The following ARHGAP18 variants were observed in gnomAD, a reference collection of about 807,000 sequenced individuals.
ARHGAP18 encodes rho GTPase-activating protein 18.
A neutral mutation model predicts 86.2 loss-of-function variants in ARHGAP18; 67 were observed. The ratio of observed to expected loss-of-function variants is 0.78; its 90% CI spans 0.64 to 0.95. The LOEUF (loss-of-function observed/expected upper bound fraction) is 0.95, where lower values mean the gene tolerates loss of function less well. ARHGAP18 is among the 40% of genes least tolerant of loss of function. The pLI, the probability that ARHGAP18 is intolerant of heterozygous loss-of-function variation, is 0.00. For missense variants in ARHGAP18, 691 were observed against 780.4 expected (o/e 0.89, Z 1.37); for synonymous variants, 283 against 280.4 (o/e 1.01, Z -0.09).
rs1439874685 is a variant in ARHGAP18, at chr6:129,594,354, GAAAATATA to G, written c.1713+4854_1713+4861del. Among the ~76,000 whole-genome samples the G allele has an allele frequency of 3.9e-5, 6 of 152,244 alleles. No individual in the cohort carries two copies. In the East Asian group the frequency reaches 1.2e-3, roughly 29 times the overall value. Reference sequence around the variant, plus strand: ...TTACTCTTCCTGCCTGGGCTTCAGAGAAAATATACATCCTTCAACTTTCTCTTACTTCC... The same window carrying G: ...TTACTCTTCCTGCCTGGGCTTCAGAGCATCCTTCAACTTTCTCTTACTTCC... On this transcript the variant is annotated intron_variant, in intron 12 of 14. Transcript: ENST00000368149.
chr6:129,620,388 T>C (rs1789202935), intron 5 of ARHGAP18, among the ~76,000 whole-genome samples: 1 of 152,246 alleles, frequency 6.6e-6, no homozygotes, highest in Non-Finnish European at 1.5e-5. Context: ...TGTATATTAC[T>C]TTCACTGCTG....
In ARHGAP18 at chr6:129,676,996, T is replaced by C. The variant is rs537240867; in HGVS notation, c.113+33028A>G. ...CGGGACAGTAACACCGCTGAATTTT[T>C]GTATCACTAAGCCTAGATAAGATAA... is the stretch of plus-strand genomic sequence containing the variant. On this transcript the variant is annotated intron_variant, in intron 1 of 14. Coordinates refer to ENST00000368149, the MANE Select transcript of ARHGAP18 (RefSeq NM_033515.3). Among the ~76,000 whole-genome samples the C allele has an allele frequency of 2.7e-5, 4 of 148,124 alleles. No individual in the cohort carries two copies. The South Asian group carries it at 6.5e-4, about 24-fold the overall frequency.
At chr6:129,669,746 C>T (rs1774109594) in intron 1 of ARHGAP18, among the ~76,000 whole-genome samples, 1 of 151,360 alleles carries the variant, frequency 6.6e-6, no homozygotes, top group Non-Finnish European at 1.5e-5. Context: ...GATCATGCCA[C>T]TGCACTCCAG....
intron 2 of ARHGAP18, 103 bp downstream of exon 2, chr6:129,641,713 G>A: frequency 9.4e-7 from 1 of 1,066,502 alleles, no homozygotes; most frequent in Admixed American, 2.5e-5. Flanking sequence ...TCTTTTTTTG[G>A]TGGTCCTAGC....
At position 129,608,064 on chromosome 6, in the gene ARHGAP18, G is replaced by GAAAAAAAAAAA. The variant is rs577070164; in HGVS notation, c.1123-23_1123-13dup. The GAAAAAAAAAAA allele has an allele frequency of 2.5e-5, 25 of 985,046 alleles. No individual in the cohort carries two copies. Among genetic ancestry groups the GAAAAAAAAAAA allele is most frequent in the Non-Finnish European group, 2.9e-5 (23 of 807,008 alleles). 61.0% of individuals were successfully genotyped at this position (985,046 alleles called of 1,614,324 possible). On this transcript the variant is annotated splice_polypyrimidine_tract_variant and intron_variant, in intron 8 of 14. Transcript: ENST00000368149. ...TCTTGGCAAAGATTCTGATAGGCACGAAAAAAAAAAAAAAAAAAAAAAGAA... is the reference window on the plus strand; with the variant it reads ...TCTTGGCAAAGATTCTGATAGGCACGAAAAAAAAAAAAAAAAAAAAAAAAAAAAAAAAAGAA...
chr6:129,601,829 T>C (rs766090146), intron 10 of ARHGAP18, among the ~76,000 whole-genome samples: 1 of 151,680 alleles, frequency 6.6e-6, no homozygotes, highest in Non-Finnish European at 1.5e-5. Context: ...ATTCTCGCAA[T>C]GTTGCCCAGG....
intron 8 of ARHGAP18, among the ~76,000 whole-genome samples, chr6:129,609,154 A>C (rs1788925121): frequency 1.3e-5 from 2 of 152,212 alleles, no homozygotes; most frequent in Non-Finnish European, 2.9e-5. Context: ...CAACAGAGGA[A>C]GATCCAGAGA....
At chr6:129,587,432 C>CA (rs1406973522) in intron 12 of ARHGAP18, among the ~76,000 whole-genome samples, 1 of 152,216 alleles carries the variant, frequency 6.6e-6, no homozygotes, top group Non-Finnish European at 1.5e-5. Context: ...CAACACATCT[C>CA]ATGAAGAGCT....
At chr6:129,619,951 G>A (rs997784512) in intron 5 of ARHGAP18, among the ~76,000 whole-genome samples, 13 of 151,208 alleles carry the variant, frequency 8.6e-5, no homozygotes, top group African/African-American at 2.9e-4. Context: ...GATGGAGGGG[G>A]AGGGAAAGGA....
At chr6:129,665,494 G>A (rs1255493979) in intron 1 of ARHGAP18, among the ~76,000 whole-genome samples, 1 of 152,196 alleles carries the variant, frequency 6.6e-6, no homozygotes, top group Non-Finnish European at 1.5e-5. Flanking sequence ...TGGTTGCAAT[G>A]AGCCAAGATC....
At chr6:129,635,122 A>G (rs1773306426) in intron 3 of ARHGAP18, among the ~76,000 whole-genome samples, 1 of 152,214 alleles carries the variant, frequency 6.6e-6, no homozygotes, top group African/African-American at 2.4e-5. Flanking sequence ...GAAGGAATTC[A>G]GAGGTCAGGA....
At chr6:129,584,152 GCTGGAACGTGTAA>G in intron 12 of ARHGAP18, 40 bp from the exon 13 acceptor site, 2 of 1,611,550 alleles carry the variant, frequency 1.2e-6, no homozygotes, top group Non-Finnish European at 1.7e-6. Flanking sequence ...GCTGGCAGCA[GCTGGAACGTGTAA>G]CTCTACAATG....
intron 5 of ARHGAP18, among the ~76,000 whole-genome samples, chr6:129,619,082 C>T (rs375899846): frequency 8.6e-4 from 129 of 149,864 alleles, no homozygotes; most frequent in Non-Finnish European, 1.4e-3. Flanking sequence ...GGGAACAGAC[C>T]GCAAACTCGG....
intron 1 of ARHGAP18, among the ~76,000 whole-genome samples, chr6:129,657,408 C>G (rs935836897): frequency 1.4e-5 from 2 of 146,660 alleles, no homozygotes; most frequent in African/African-American, 5.1e-5. Flanking sequence ...TTTACACACT[C>G]ATTGTCACCA....
intron 1 of ARHGAP18, among the ~76,000 whole-genome samples, chr6:129,689,706 C>T (rs1274084887): frequency 6.6e-6 from 1 of 152,198 alleles, no homozygotes; most frequent in South Asian, 2.1e-4. Flanking sequence ...CATTAAAATG[C>T]CCTTTCAGCA....
chr6:129,615,321 T>G (rs1180603671), intron 7 of ARHGAP18, among the ~76,000 whole-genome samples: 4 of 152,138 alleles, frequency 2.6e-5, no homozygotes, highest in Non-Finnish European at 5.9e-5. Flanking sequence ...GGATCAACTG[T>G]ATAGAACAAA....
intron 1 of ARHGAP18, among the ~76,000 whole-genome samples, chr6:129,647,704 C>T (rs1048776256): frequency 8.6e-5 from 13 of 150,498 alleles, no homozygotes; most frequent in African/African-American, 2.7e-4. Flanking sequence ...GGTGGGGGTT[C>T]TTCCTCAGAT....
intron 1 of ARHGAP18, among the ~76,000 whole-genome samples, chr6:129,692,360 G>C (rs1774542875): frequency 6.6e-6 from 1 of 152,104 alleles, no homozygotes. Context: ...CAGTAACACA[G>C]AGTTCATTCA....
chr6:129,684,547 G>C (rs1246187460), intron 1 of ARHGAP18, among the ~76,000 whole-genome samples: 1 of 152,186 alleles, frequency 6.6e-6, no homozygotes, highest in Non-Finnish European at 1.5e-5. Flanking sequence ...AAGTGAACAT[G>C]TTAGAATGCT....
Sources: gnomAD v4.1 joint callset for allele counts (sites outside exome capture counted in the v4.1 genomes callset) on GRCh38, gnomAD v4.1.1 for gene constraint, MANE v1.5 for transcripts, NCBI Gene and HGNC (gene_info 2026-07-23, HGNC 2026-07-21) for gene names.